CEP89: variants seen among roughly 807,000 people sequenced by gnomAD.
CEP89 encodes the protein centrosomal protein 89.
CEP89 carries 95 observed loss-of-function variants against 97.6 expected under a neutral mutation model. That is an observed-to-expected ratio of 0.97 (90% CI 0.82 to 1.15). The LOEUF is 1.15. Ranked by LOEUF, CEP89 falls within the 50% of genes most tolerant of loss-of-function variation. The pLI, the probability that CEP89 is intolerant of heterozygous loss-of-function variation, is 0.00. For synonymous variants in CEP89, 354 were observed against 349.1 expected (o/e 1.01, Z -0.16); for missense variants, 869 against 947.7 (o/e 0.92, Z 1.09).
chr19:32,971,734 C>G (rs1252210076), intron 1 of CEP89, 102 bp downstream of exon 1: 1 of 1,156,892 alleles, frequency 8.6e-7, no homozygotes, highest in Non-Finnish European at 1.3e-6. Context: ...TTGTGCCGCC[C>G]CCTTGACTGG....
At chr19:32,921,673 G>C (rs968046109) in intron 12 of CEP89, among the ~76,000 whole-genome samples, 1 of 152,182 alleles carries the variant, frequency 6.6e-6, no homozygotes, top group African/African-American at 2.4e-5. Context: ...ATCTGCCAAG[G>C]TCTCTTGAGC....
At chr19:32,951,534 T>C (rs9676303) in intron 4 of CEP89, among the ~76,000 whole-genome samples, 61,041 of 121,720 alleles carry the variant, frequency 0.5, 14,759 homozygotes, top group East Asian at 0.64. Flanking sequence ...TATATATATA[T>C]ACACACACAC....
rs867436143 is a variant in CEP89 at position 32,880,584 on chromosome 19, A to T, written c.2136-1206T>A. Among the ~76,000 whole-genome samples, 22 of 150,052 alleles carry T rather than the reference A, an allele frequency of 1.5e-4. 1 individual carries two copies. Among genetic ancestry groups the T allele is most frequent in the Middle Eastern group, 3.4e-3 (1 of 290 alleles). On this transcript the variant is annotated intron_variant, in intron 18 of 18. Transcript: ENST00000305768. ...AGCCCAGAAATTTGAGGCTGCAGTG[A>T]GCTGAGATTGTGCCACTGTACTTTA...
At chr19:32,918,142 G>T in intron 13 of CEP89, 82 bp downstream of exon 13, 1 of 1,162,342 alleles carries the variant, frequency 8.6e-7, no homozygotes, top group Non-Finnish European at 1.3e-6. Context: ...TTCAACTGGG[G>T]CCCCCGGCAG....
chr19:32,910,273 G>C (rs1354881810), intron 14 of CEP89, among the ~76,000 whole-genome samples: 1 of 147,944 alleles, frequency 6.8e-6, no homozygotes, highest in African/African-American at 2.5e-5. Context: ...CTCAGAGAGA[G>C]AGAGAGAGAG....
intron 4 of CEP89, among the ~76,000 whole-genome samples, chr19:32,951,909 CA>C (rs1328081061): frequency 3.9e-5 from 6 of 152,044 alleles, no homozygotes; most frequent in Non-Finnish European, 7.4e-5. Flanking sequence ...CCCTCTAGAA[CA>C]GTGGAGAGAT....
intron 14 of CEP89, among the ~76,000 whole-genome samples, chr19:32,912,094 G>C (rs1032091413): frequency 2.0e-5 from 3 of 151,398 alleles, no homozygotes; most frequent in African/African-American, 7.3e-5. Context: ...TCCCAGCTAT[G>C]AGTGGGGCTG....
At chr19:32,941,143 T>C (rs546316999) in intron 5 of CEP89, among the ~76,000 whole-genome samples, 2 of 152,150 alleles carry the variant, frequency 1.3e-5, no homozygotes, top group South Asian at 4.1e-4. Flanking sequence ...ATGCAAAAAA[T>C]AGGTGAAAAA....
chr19:32,950,818 G>A (rs62125052), intron 4 of CEP89, among the ~76,000 whole-genome samples: 8,722 of 152,210 alleles, frequency 0.057, 394 homozygotes, highest in East Asian at 0.21. Context: ...TGAGTGGCAC[G>A]GTTGTACAGT....
At chr19:32,892,897 G>C (rs897794637) in intron 16 of CEP89, among the ~76,000 whole-genome samples, 3 of 151,966 alleles carry the variant, frequency 2.0e-5, no homozygotes, top group African/African-American at 7.3e-5. Context: ...AAACTAACTA[G>C]TAGAGCAAGC....
At chr19:32,922,702 G>C (rs566692932) in intron 12 of CEP89, among the ~76,000 whole-genome samples, 1 of 152,074 alleles carries the variant, frequency 6.6e-6, no homozygotes, top group East Asian at 1.9e-4. Flanking sequence ...ACAAAAATTA[G>C]CCAGGTGTGG....
At position 32,931,536 on chromosome 19, in the gene CEP89, C is replaced by T; in HGVS notation, c.922G>A (p.Ala308Thr). The change falls in exon 9 of 19, where the codon GCT (alanine) becomes ACT (threonine). Residue 308 changes from alanine to threonine, a missense_variant. By Grantham distance (58) the Ala-to-Thr change is moderately conservative (BLOSUM62 0). Transcript: ENST00000305768. Reference sequence around the variant, plus strand: ...TCATTTTCATCCACCAGTTCTTGAGCTTGTTTTCGCAGATAAAGTAATTCA... The same window carrying T: ...TCATTTTCATCCACCAGTTCTTGAGTTTGTTTTCGCAGATAAAGTAATTCA... ...APELLYLRKQAQELVDENDGL... is the reference protein window; with the variant it reads ...APELLYLRKQTQELVDENDGL... The T allele has an allele frequency of 6.3e-7, 1 of 1,582,808 alleles. No homozygotes were observed. The highest frequency in any genetic ancestry group is 8.5e-7 in the Non-Finnish European group (1 of 1,172,660).
At chr19:32,963,776 T>C (rs1173871315) in intron 2 of CEP89, 1 of 152,176 alleles carries the variant, frequency 6.6e-6, no homozygotes, top group African/African-American at 2.4e-5. Context: ...GTAATGAAGA[T>C]GAAGATTGAT....
At chr19:32,913,448 G>C (rs963240543) in intron 14 of CEP89, among the ~76,000 whole-genome samples, 1 of 151,338 alleles carries the variant, frequency 6.6e-6, no homozygotes, top group African/African-American at 2.4e-5. Flanking sequence ...CCATACATAG[G>C]TATATATATA....
intron 13 of CEP89, among the ~76,000 whole-genome samples, chr19:32,916,248 A>G (rs1216561329): frequency 6.6e-6 from 1 of 152,236 alleles, no homozygotes; most frequent in Non-Finnish European, 1.5e-5. Flanking sequence ...ACTGCACTCC[A>G]GCCTGGATGA....
chr19:32,931,801 T>G (rs1472318164), intron 8 of CEP89, among the ~76,000 whole-genome samples: 1 of 152,162 alleles, frequency 6.6e-6, no homozygotes, highest in Non-Finnish European at 1.5e-5. Flanking sequence ...TGTGGAAGTT[T>G]TTGCATGTAC....
chr19:32,902,112 T>C lies in CEP89; in HGVS notation c.1566-700A>G, dbSNP rs1668157408. 4.0e-5 allele frequency among the ~76,000 whole-genome samples: 6 copies of C among 151,684 alleles called. No homozygotes were observed. The South Asian group carries it at 1.3e-3, about 32-fold the overall frequency. The stretch of plus-strand genomic sequence containing the variant: ...GCTCTATTTTTTACATGGTTATAAA[T>C]GCCAGATTTATTTAAAAAAAACCTG... On this transcript the variant is annotated intron_variant, in intron 14 of 18. Transcript: ENST00000305768.
chr19:32,961,118 TACA>T lies in CEP89; in HGVS notation c.147-1063_147-1061del, dbSNP rs1156474443. Among the ~76,000 whole-genome samples the T allele has an allele frequency of 2.0e-5, 3 of 152,096 alleles. No homozygotes were observed. In the East Asian group the frequency reaches 5.8e-4, roughly 29 times the overall value. ...GATCAGAGGAGCAGTGCCAGGTGCT[TACA>T]TACAGCCCAAGACGGCAGCTGCTCC... On this transcript the variant is annotated intron_variant, in intron 2 of 18. Transcript: ENST00000305768.
intron 17 of CEP89, among the ~76,000 whole-genome samples, chr19:32,885,296 C>T (rs539438640): frequency 1.5e-4 from 23 of 152,240 alleles, no homozygotes; most frequent in African/African-American, 5.5e-4. Context: ...TTAATTTTGC[C>T]GAAGTTTCCC....
Sources: gnomAD v4.1 joint callset for allele counts (sites outside exome capture counted in the v4.1 genomes callset) on GRCh38, gnomAD v4.1.1 for gene constraint, MANE v1.5 for transcripts, NCBI Gene and HGNC (gene_info 2026-07-23, HGNC 2026-07-21) for gene names.